The following LSM11 variants were observed in gnomAD, a reference collection of about 807,000 sequenced individuals.
The protein encoded by LSM11 is U7 snRNA-associated Sm-like protein LSm11.
In LSM11, 14 loss-of-function variants were observed where a neutral mutation model predicts 28.1. That is an observed-to-expected ratio of 0.50 (90% CI 0.33 to 0.78). The LOEUF is 0.78. Ranked by LOEUF, LSM11 falls within the 30% of genes least tolerant of loss-of-function variation. The probability of loss-of-function intolerance (pLI) is 0.02; values close to 1 mark genes in which losing one functional copy is unlikely to be tolerated. For missense variants in LSM11, 495 were observed against 510.6 expected (o/e 0.97, Z 0.30); for synonymous variants, 207 against 214.2 (o/e 0.97, Z 0.30).
At chr5:157,752,626 G>T (rs564324573) in intron 2 of LSM11, among the ~76,000 whole-genome samples, 1 of 150,940 alleles carries the variant, frequency 6.6e-6, no homozygotes, top group Non-Finnish European at 1.5e-5. Flanking sequence ...CAGGCGGATC[G>T]CCTGAGGCCA....
intron 1 of LSM11, among the ~76,000 whole-genome samples, chr5:157,749,604 A>ACC (rs10641304): frequency 0.34 from 52,163 of 151,512 alleles, 9,001 homozygotes; most frequent in East Asian, 0.51. Context: ...ACACACACAC[A>ACC]CACCCACACA....
At chr5:157,749,996 C>G (rs985009571) in intron 1 of LSM11, among the ~76,000 whole-genome samples, 1 of 152,204 alleles carries the variant, frequency 6.6e-6, no homozygotes, top group Non-Finnish European at 1.5e-5. Flanking sequence ...GCCAAATACT[C>G]TATATATCCA....
chr5:157,744,349 T>A (rs186231235), intron 1 of LSM11, 151 bp downstream of exon 1: 2 of 522,418 alleles, frequency 3.8e-6, no homozygotes, highest in Non-Finnish European at 5.9e-6. Context: ...TCAGTGACTA[T>A]GGGGTGGATC....
chr5:157,759,731 CT>C lies in LSM11; in HGVS notation c.*4471del, dbSNP rs1415799931. 1 of 152,180 alleles carries C rather than the reference CT, an allele frequency of 6.6e-6. No individual in the cohort carries two copies. The highest frequency in any genetic ancestry group is 1.5e-5 in the Non-Finnish European group (1 of 68,044). The allele number at this position is 152,180 out of a possible 1,614,324, so 9.4% of individuals were successfully genotyped here. ...TCTGTGCTTTTCTTCTCCCAGAAGG[CT>C]TTTCTTAGTGGTTGTAAATGCAAGA... On this transcript the variant is annotated 3_prime_UTR_variant, in exon 4 of 4. Transcript: ENST00000286307.
At chr5:157,752,571 C>T (rs2015909) in intron 2 of LSM11, among the ~76,000 whole-genome samples, 53,302 of 151,084 alleles carry the variant, frequency 0.35, 9,459 homozygotes, top group East Asian at 0.56. Flanking sequence ...CTAGGCTGCA[C>T]GCGGTGGTTC....
At chr5:157,754,796 G>T in intron 3 of LSM11, 58 bp from the exon 4 acceptor site, 2 of 1,477,148 alleles carry the variant, frequency 1.4e-6, no homozygotes, top group Admixed American at 2.0e-5. Context: ...TCTGTATGTT[G>T]AAAGAGGGTG....
rs1221618885 is a variant in LSM11 at position 157,757,180 on chromosome 5, A to C, written c.*1916A>C. ...GACTCTGTCTCAAAAAAAGGAAAAAAAAAAAAAGTAATCTTAGGGTTCATA... is the reference window on the plus strand; with the variant it reads ...GACTCTGTCTCAAAAAAAGGAAAAACAAAAAAAGTAATCTTAGGGTTCATA... On this transcript the variant is annotated 3_prime_UTR_variant, in exon 4 of 4. Coordinates refer to ENST00000286307, the MANE Select transcript of LSM11 (RefSeq NM_173491.4). The C allele has an allele frequency of 6.6e-6, 1 of 152,170 alleles. No homozygotes were observed. Among genetic ancestry groups the C allele is most frequent in the Admixed American group, 6.6e-5 (1 of 15,260 alleles). 9.4% of individuals were successfully genotyped at this position (152,170 alleles called of 1,614,324 possible). A position where few individuals can be genotyped will look rare whatever the true frequency, so the allele number is the denominator to read the frequency against.
chr5:157,755,565 C>G lies in LSM11; in HGVS notation c.*301C>G. ...CTGATCTTCCATTAGACTTAGGGGTCATGATATGAGTGGAATTTACATTTT... is the reference window on the plus strand; with the variant it reads ...CTGATCTTCCATTAGACTTAGGGGTGATGATATGAGTGGAATTTACATTTT... On this transcript the variant is annotated 3_prime_UTR_variant, in exon 4 of 4. Coordinates refer to ENST00000286307, the MANE Select transcript of LSM11 (RefSeq NM_173491.4). 2.0e-6 allele frequency: 1 copy of G among 497,364 alleles called. No individual in the cohort carries two copies. The highest frequency in any genetic ancestry group is 3.5e-6 in the Non-Finnish European group (1 of 284,958). The allele number at this position is 497,364 out of a possible 1,614,324, so 30.8% of individuals were successfully genotyped here.
rs917541867 is a variant in LSM11 at position 157,757,972 on chromosome 5, T to C, written c.*2708T>C. The C allele has an allele frequency of 2.6e-5, 4 of 152,262 alleles. No individual in the cohort carries two copies. Among genetic ancestry groups the C allele is most frequent in the African/African-American group, 9.6e-5 (4 of 41,472 alleles). The allele number at this position is 152,262 out of a possible 1,614,324, so 9.4% of individuals were successfully genotyped here. A position where few individuals can be genotyped will look rare whatever the true frequency, so the allele number is the denominator to read the frequency against. On this transcript the variant is annotated 3_prime_UTR_variant, in exon 4 of 4. Coordinates refer to ENST00000286307, the MANE Select transcript of LSM11 (RefSeq NM_173491.4). ...TGTTTAAACTGTGTATGATCTATTT[T>C]ATGTGCTCTATGTTCCCATTTGTTT...
rs1004654095 is a variant in LSM11 at position 157,760,055 on chromosome 5, A to G, written c.*4791A>G. The G allele has an allele frequency of 6.6e-6, 1 of 152,230 alleles. No individual in the cohort carries two copies. The highest frequency in any genetic ancestry group is 2.4e-5 in the African/African-American group (1 of 41,454). The allele number at this position is 152,230 out of a possible 1,614,324, so 9.4% of individuals were successfully genotyped here. A position where few individuals can be genotyped will look rare whatever the true frequency, so the allele number is the denominator to read the frequency against. On this transcript the variant is annotated 3_prime_UTR_variant, in exon 4 of 4. Transcript: ENST00000286307. ...AGTTAGTCTTTTATTTATTTAGAAT[A>G]AAAAATAGTTTGATAACCTACCAGA...
intron 3 of LSM11, 65 bp from the exon 4 acceptor site, chr5:157,754,789 G>A: frequency 2.1e-6 from 3 of 1,422,236 alleles, no homozygotes; most frequent in Non-Finnish European, 2.8e-6. Context: ...GTCTTTTTCT[G>A]TATGTTGAAA....
chr5:157,753,971 T>C lies in LSM11; in HGVS notation c.589-33T>C, dbSNP rs745321274. 59 of 1,398,132 alleles carry C rather than the reference T, an allele frequency of 4.2e-5. No individual in the cohort carries two copies. In the South Asian group the frequency reaches 6.4e-4, roughly 15 times the overall value. The allele number at this position is 1,398,132 out of a possible 1,614,324, so 86.6% of individuals were successfully genotyped here. On this transcript the variant is annotated intron_variant, in intron 2 of 3. Transcript: ENST00000286307. ...TATACAAATAATAATTTTAATTCTG[T>C]CTAATGTTTTTCCTTTTGGGCTGTT...
At position 157,743,852 on chromosome 5, in the gene LSM11, G is replaced by A. The variant is rs764882851; in HGVS notation, c.102G>A (p.Leu34=). The change falls in exon 1 of 4, where the codon CTG becomes CTA. Residue 34 remains leucine, a synonymous_variant. Coordinates refer to ENST00000286307, the MANE Select transcript of LSM11 (RefSeq NM_173491.4). ...TCAGCTCTGACAGCTTCGACCCGCT[G>A]CTGGCCCTGTACGCGCCCCGCCTGC... is the stretch of plus-strand genomic sequence containing the variant. ...LDVSSDSFDP[L]LALYAPRLPP... is the part of the protein sequence containing the mutation. 2.6e-6 allele frequency: 4 copies of A among 1,557,926 alleles called. No homozygotes were observed. In the South Asian group the frequency reaches 3.5e-5, roughly 14 times the overall value.
intron 1 of LSM11, among the ~76,000 whole-genome samples, chr5:157,747,027 CA>C (rs1561619311): frequency 6.6e-6 from 1 of 152,284 alleles, no homozygotes; most frequent in East Asian, 1.9e-4. Flanking sequence ...TCACTGATAC[CA>C]ACAAAGAACT....
chr5:157,753,120 C>T (rs549941097), intron 2 of LSM11, among the ~76,000 whole-genome samples: 27 of 152,234 alleles, frequency 1.8e-4, no homozygotes, highest in Non-Finnish European at 3.4e-4. Flanking sequence ...GAATGTTGGT[C>T]GCAGATCACA....
Position 157,755,882 on chromosome 5 carries a change from CCTT to C in LSM11, c.*625_*627del, listed in dbSNP as rs1039783243. 18 of 396,252 alleles carry C rather than the reference CCTT, an allele frequency of 4.5e-5. No homozygotes were observed. Among genetic ancestry groups the C allele is most frequent in the East Asian group, 7.2e-5 (2 of 27,942 alleles). The allele number at this position is 396,252 out of a possible 1,614,324, so 24.5% of individuals were successfully genotyped here. On this transcript the variant is annotated 3_prime_UTR_variant, in exon 4 of 4. Transcript: ENST00000286307. ...CCAGCAATGAGTGCTCTGTTTTGAT[CCTT>C]CTTCTTATTATGGAAAGGAGTACAG...
At chr5:157,751,594 A>T (rs1184871491) in intron 2 of LSM11, 65 bp downstream of exon 2, 7 of 1,528,358 alleles carry the variant, frequency 4.6e-6, no homozygotes, top group Non-Finnish European at 6.2e-6. Context: ...TAATATTTAA[A>T]GGACCTGAGT....
Position 157,743,723 on chromosome 5 carries a change from T to C in LSM11, c.-28T>C, listed in dbSNP as rs1761097606. 2.3e-6 allele frequency: 3 copies of C among 1,314,990 alleles called. No homozygotes were observed. Among genetic ancestry groups the C allele is most frequent in the Non-Finnish European group, 2.9e-6 (3 of 1,029,502 alleles). 81.5% of individuals were successfully genotyped at this position (1,314,990 alleles called of 1,614,324 possible). The stretch of plus-strand genomic sequence containing the variant: ...CTGGCGGCTTCGTTCCTTCTTCCCA[T>C]CGGCCTCGGCTTGCGGGCCTTTCAA... On this transcript the variant is annotated 5_prime_UTR_variant, in exon 1 of 4. Transcript: ENST00000286307.
chr5:157,756,630 T>G lies in LSM11; in HGVS notation c.*1366T>G, dbSNP rs550562270. On this transcript the variant is annotated 3_prime_UTR_variant, in exon 4 of 4. Transcript: ENST00000286307. ...AAGTTTAGGGAGCTGGGACACCTGGTCCTGCTAGCTGGACCACTGGCTCAT... is the reference window on the plus strand; with the variant it reads ...AAGTTTAGGGAGCTGGGACACCTGGGCCTGCTAGCTGGACCACTGGCTCAT... 1 of 152,682 alleles carries G rather than the reference T, an allele frequency of 6.5e-6. No individual in the cohort carries two copies. Among genetic ancestry groups the G allele is most frequent in the South Asian group, 2.1e-4 (1 of 4,824 alleles). The allele number at this position is 152,682 out of a possible 1,614,324, so 9.5% of individuals were successfully genotyped here.
Sources: allele counts gnomAD v4.1 joint callset (sites outside exome capture counted in the v4.1 genomes callset), GRCh38; gene constraint gnomAD v4.1.1; transcripts MANE v1.5; gene names NCBI Gene and HGNC (gene_info 2026-07-23, HGNC 2026-07-21).